SLC22A24: variants seen among roughly 807,000 people sequenced by gnomAD.
The protein encoded by SLC22A24 is solute carrier family 22 member 24.
A neutral mutation model predicts 49.8 loss-of-function variants in SLC22A24; 53 were observed. The observed-to-expected ratio is 1.06, with a 90% CI of 0.85 to 1.34. The LOEUF (loss-of-function observed/expected upper bound fraction) is 1.34. SLC22A24 is among the 40% of genes most tolerant of loss of function. SLC22A24 has a pLI of 0.00. For synonymous variants in SLC22A24, 302 were observed against 256.4 expected, an observed-to-expected ratio of 1.18 and a Z score of -1.70; for missense variants, 786 against 675.9, an observed-to-expected ratio of 1.16 and a Z score of -1.81.
chr11:63,084,660 A>C (rs2086977487), intron 6 of SLC22A24, among the ~76,000 whole-genome samples: 1 of 152,160 alleles, frequency 6.6e-6, no homozygotes, highest in South Asian at 2.1e-4. Flanking sequence ...AACAGTTACC[A>C]ATGCCCGACC....
Position 63,143,783 on chromosome 11 carries a change from G to T in SLC22A24, c.-4C>A. On this transcript the variant is annotated 5_prime_UTR_variant, in exon 1 of 10. Coordinates refer to ENST00000612278, the MANE Select transcript of SLC22A24 (RefSeq NM_001136506.2). ...CCAGGAGCACATCAAAGCCCATTGA[G>T]ACTGAACAGGTGATCCCCAAGAGGA... 19 of 1,389,244 alleles carry T rather than the reference G, an allele frequency of 1.4e-5. No individual in the cohort carries two copies. Among genetic ancestry groups the T allele is most frequent in the Non-Finnish European group, 1.8e-5 (19 of 1,067,264 alleles). 86.1% of individuals were successfully genotyped at this position (1,389,244 alleles called of 1,614,324 possible).
chr11:63,093,223 G>A (rs900414913), intron 6 of SLC22A24, among the ~76,000 whole-genome samples: 3 of 152,090 alleles, frequency 2.0e-5, no homozygotes, highest in African/African-American at 7.2e-5. Flanking sequence ...AAGTAGAAAC[G>A]CTTTTACACT....
At chr11:63,085,209 AATT>A (rs1249199071) in intron 6 of SLC22A24, among the ~76,000 whole-genome samples, 1 of 152,140 alleles carries the variant, frequency 6.6e-6, no homozygotes, top group East Asian at 1.9e-4. Flanking sequence ...TAAATTTTAT[AATT>A]ATGAAAGAAT....
At chr11:63,128,083 A>T (rs548213728) in intron 2 of SLC22A24, among the ~76,000 whole-genome samples, 1 of 152,048 alleles carries the variant, frequency 6.6e-6, no homozygotes, top group African/African-American at 2.4e-5. Flanking sequence ...GATATAGATG[A>T]TAGATATGAT....
intron 7 of SLC22A24, among the ~76,000 whole-genome samples, chr11:63,082,957 C>G (rs1205745234): frequency 1.3e-5 from 2 of 152,206 alleles, no homozygotes; most frequent in African/African-American, 2.4e-5. Flanking sequence ...AGTTACTTTT[C>G]TAAAGAAACC....
intron 5 of SLC22A24, among the ~76,000 whole-genome samples, chr11:63,099,765 T>C (rs1219080085): frequency 6.6e-6 from 1 of 152,074 alleles, no homozygotes; most frequent in African/African-American, 2.4e-5. Flanking sequence ...GCAAGGATGG[T>C]TCGACATATG....
At position 63,107,319 on chromosome 11, in the gene SLC22A24, G is replaced by A. The variant is rs1185504876; in HGVS notation, c.831-3021C>T. 5.9e-5 allele frequency among the ~76,000 whole-genome samples: 9 copies of A among 152,314 alleles called. 1 individual carries two copies. Among genetic ancestry groups the A allele is most frequent in the African/African-American group, 4.8e-5 (2 of 41,572 alleles). On this transcript the variant is annotated intron_variant, in intron 4 of 9. Transcript: ENST00000612278. ...TCTGTTTTGGTACCAGTACCATGCT[G>A]TTTTGGTTACTGTAGCCTTGTAGTG...
intron 4 of SLC22A24, among the ~76,000 whole-genome samples, chr11:63,113,036 AT>A (rs1466819403): frequency 0.053 from 248 of 4,664 alleles, 51 homozygotes; most frequent in Non-Finnish European, 0.14. Context: ...AAAAAAAAAA[AT>A]ATATATATAT....
At position 63,106,403 on chromosome 11, in the gene SLC22A24, G is replaced by T. The variant is rs372870434; in HGVS notation, c.831-2105C>A. On this transcript the variant is annotated intron_variant, in intron 4 of 9. Transcript: ENST00000612278. ...TGCTGCAATAAACATATGTGTGCAT[G>T]TGTCTTTATAGCAGCATGATTTATA... Among the ~76,000 whole-genome samples the T allele has an allele frequency of 3.9e-5, 6 of 152,260 alleles. No homozygotes were observed. In the East Asian group the frequency reaches 9.7e-4, roughly 24 times the overall value.
chr11:63,122,501 A>G (rs1378238552), intron 2 of SLC22A24, among the ~76,000 whole-genome samples: 1 of 152,144 alleles, frequency 6.6e-6, no homozygotes, highest in Non-Finnish European at 1.5e-5. Context: ...GAGAAGGTTT[A>G]TGTGCATTTA....
At chr11:63,115,307 A>G (rs1348985832) in intron 4 of SLC22A24, among the ~76,000 whole-genome samples, 2 of 152,212 alleles carry the variant, frequency 1.3e-5, no homozygotes, top group Non-Finnish European at 2.9e-5. Flanking sequence ...ACTGCCTTGC[A>G]GGTCGATCTC....
chr11:63,081,818 G>T (rs544993837), intron 7 of SLC22A24, among the ~76,000 whole-genome samples, 152 bp from the exon 8 acceptor site: 4 of 152,304 alleles, frequency 2.6e-5, no homozygotes, highest in African/African-American at 9.6e-5. Flanking sequence ...TGGTTGCGAG[G>T]CTGAGAAATA....
intron 4 of SLC22A24, among the ~76,000 whole-genome samples, chr11:63,110,386 A>C (rs2087154265): frequency 6.6e-6 from 1 of 152,066 alleles, no homozygotes; most frequent in Non-Finnish European, 1.5e-5. Context: ...TGTGTGAAGA[A>C]AGTCATTGGT....
At position 63,136,489 on chromosome 11, in the gene SLC22A24, G is replaced by A. The variant is rs1000268782; in HGVS notation, c.403-1721C>T. 2.6e-5 allele frequency among the ~76,000 whole-genome samples: 4 copies of A among 152,328 alleles called. No homozygotes were observed. The South Asian group carries it at 6.2e-4, about 24-fold the overall frequency. ...AAAGTTGAACAAATTCGGCTACGAA[G>A]TTGTGCCTTATCCACCATATTCACC... On this transcript the variant is annotated intron_variant, in intron 1 of 9. Coordinates refer to ENST00000612278, the MANE Select transcript of SLC22A24 (RefSeq NM_001136506.2).
chr11:63,081,489 C>T, intron 8 of SLC22A24, 69 bp downstream of exon 8: 1 of 1,088,186 alleles, frequency 9.2e-7, no homozygotes, highest in Non-Finnish European at 1.4e-6. Flanking sequence ...GTCAGTCTTT[C>T]ATTCACAATG....
rs139630125 is a variant in SLC22A24 at position 63,087,062 on chromosome 11, GGA to G, written c.1071-3607_1071-3606del. ...CACACACACACACACACACACAGAG[GGA>G]GAGAGAGAGAGAGAGAGAGAAACCC... On this transcript the variant is annotated intron_variant, in intron 6 of 9. Coordinates refer to ENST00000612278, the MANE Select transcript of SLC22A24 (RefSeq NM_001136506.2). 6.2e-4 allele frequency among the ~76,000 whole-genome samples: 85 copies of G among 137,016 alleles called. 2 individuals carry two copies. Among genetic ancestry groups the G allele is most frequent in the South Asian group, 3.6e-3 (15 of 4,184 alleles). 89.9% of individuals were successfully genotyped at this position (137,016 alleles called of 152,430 possible).
In SLC22A24 at chr11:63,111,281, G is replaced by A. The variant is rs997924456; in HGVS notation, c.831-6983C>T. Reference sequence around the variant, plus strand: ...TTTTATTGAGGATATTTGCATCAATGTTCATCAAGGGTATTGGTCTAAAAT... The same window carrying A: ...TTTTATTGAGGATATTTGCATCAATATTCATCAAGGGTATTGGTCTAAAAT... On this transcript the variant is annotated intron_variant, in intron 4 of 9. Coordinates refer to ENST00000612278, the MANE Select transcript of SLC22A24 (RefSeq NM_001136506.2). Among the ~76,000 whole-genome samples, 22 of 151,922 alleles carry A rather than the reference G, an allele frequency of 1.4e-4. 5 individuals carry two copies. Among genetic ancestry groups the A allele is most frequent in the Admixed American group, 1.4e-3 (21 of 15,232 alleles).
intron 2 of SLC22A24, among the ~76,000 whole-genome samples, chr11:63,132,751 A>G (rs1565044291): frequency 6.6e-6 from 1 of 152,160 alleles, no homozygotes; most frequent in Admixed American, 6.5e-5. Context: ...GTCAGGCTAC[A>G]TGGGGGCCAG....
intron 4 of SLC22A24, among the ~76,000 whole-genome samples, chr11:63,113,065 T>C (rs1475775639): frequency 1.9e-3 from 4 of 2,126 alleles, no homozygotes; most frequent in Non-Finnish European, 8.1e-3. Context: ...CATATATATA[T>C]ATACATATAT....
Sources: allele counts gnomAD v4.1 joint callset (sites outside exome capture counted in the v4.1 genomes callset), GRCh38; gene constraint gnomAD v4.1.1; transcripts MANE v1.5; gene names NCBI Gene and HGNC (gene_info 2026-07-23, HGNC 2026-07-21).